Variants in KLHL29 observed in about 807,000 individuals in gnomAD.
KLHL29 encodes the protein kelch like family member 29, also known as kelch-like protein 29.
In KLHL29, 21 loss-of-function variants were observed where a neutral mutation model predicts 80.4. That is an observed-to-expected ratio of 0.26 (90% CI 0.19 to 0.38). KLHL29 has a LOEUF of 0.38. KLHL29 is among the 10% of genes least tolerant of loss of function. KLHL29 has a pLI of 1.00. For missense variants in KLHL29, 867 were observed against 1,223.9 expected (o/e 0.71, Z 4.35); for synonymous variants, 511 against 526.8 (o/e 0.97, Z 0.41).
At chr2:23,536,918 A>ACACACACACCCTCTCT (rs143009876) in intron 2 of KLHL29, among the ~76,000 whole-genome samples, 1 of 140,650 alleles carries the variant, frequency 7.1e-6, no homozygotes, top group East Asian at 2.2e-4. Context: ...ACACACACAC[A>ACACACACACCCTCTCT]CTCTCTCTCT....
At chr2:23,411,337 G>A (rs1389981195) in intron 1 of KLHL29, among the ~76,000 whole-genome samples, 1 of 150,632 alleles carries the variant, frequency 6.6e-6, no homozygotes, top group Non-Finnish European at 1.5e-5. Context: ...ATGTGAAGTA[G>A]TTCCCATGCC....
chr2:23,640,582 C>T (rs1669740381), intron 4 of KLHL29, among the ~76,000 whole-genome samples: 1 of 152,242 alleles, frequency 6.6e-6, no homozygotes. Context: ...GGCTTGGGGA[C>T]AGTTCCCATT....
intron 2 of KLHL29, among the ~76,000 whole-genome samples, chr2:23,552,799 C>T (rs1312857177): frequency 7.9e-5 from 9 of 114,340 alleles, no homozygotes; most frequent in South Asian, 2.9e-4. Context: ...CTCACTGTGT[C>T]GCCAGGCTGA....
intron 2 of KLHL29, among the ~76,000 whole-genome samples, chr2:23,561,810 G>T (rs1667454035): frequency 6.6e-6 from 1 of 152,136 alleles, no homozygotes; most frequent in Non-Finnish European, 1.5e-5. Flanking sequence ...TTTTTTCACG[G>T]TGGGGTGGGA....
At chr2:23,409,025 T>G (rs1039848948) in intron 1 of KLHL29, among the ~76,000 whole-genome samples, 17 of 152,084 alleles carry the variant, frequency 1.1e-4, no homozygotes, top group African/African-American at 3.6e-4. Flanking sequence ...AAGAATAATT[T>G]GGGAGCTAGT....
At chr2:23,462,572 G>A (rs908383676) in intron 1 of KLHL29, among the ~76,000 whole-genome samples, 1 of 152,164 alleles carries the variant, frequency 6.6e-6, no homozygotes, top group Non-Finnish European at 1.5e-5. Flanking sequence ...AAAATATAGG[G>A]GTTGTTGGAC....
At chr2:23,654,092 A>G (rs1229801755) in intron 5 of KLHL29, among the ~76,000 whole-genome samples, 1 of 152,050 alleles carries the variant, frequency 6.6e-6, no homozygotes, top group Non-Finnish European at 1.5e-5. Flanking sequence ...GCTTGAACCC[A>G]GGAGGTAGAG....
At chr2:23,396,544 C>T (rs1487212346) in intron 1 of KLHL29, among the ~76,000 whole-genome samples, 1 of 152,152 alleles carries the variant, frequency 6.6e-6, no homozygotes, top group Non-Finnish European at 1.5e-5. Flanking sequence ...AAGGTGCATA[C>T]CTCATTTGGA....
chr2:23,673,327 C>G (rs1670821890), intron 5 of KLHL29, among the ~76,000 whole-genome samples: 1 of 151,898 alleles, frequency 6.6e-6, no homozygotes, highest in South Asian at 2.1e-4. Context: ...GACACACATA[C>G]ACCCATCCTC....
At chr2:23,402,694 G>A (rs916249809) in intron 1 of KLHL29, among the ~76,000 whole-genome samples, 3 of 152,212 alleles carry the variant, frequency 2.0e-5, no homozygotes, top group Non-Finnish European at 4.4e-5. Context: ...TTGCCTTTCT[G>A]CTGATGAGAA....
intron 1 of KLHL29, among the ~76,000 whole-genome samples, chr2:23,439,642 G>C (rs886101449): frequency 3.3e-5 from 5 of 152,130 alleles, no homozygotes; most frequent in East Asian, 1.9e-4. Flanking sequence ...TCTTAATCCT[G>C]AGTTCTAGTT....
chr2:23,510,282 C>T (rs1376432971), intron 2 of KLHL29, among the ~76,000 whole-genome samples: 1 of 152,188 alleles, frequency 6.6e-6, no homozygotes, highest in Non-Finnish European at 1.5e-5. Flanking sequence ...AACCAAGAAG[C>T]ATGACTGGGG....
intron 1 of KLHL29, among the ~76,000 whole-genome samples, chr2:23,463,436 C>T (rs1664269653): frequency 6.6e-6 from 1 of 152,072 alleles, no homozygotes; most frequent in Non-Finnish European, 1.5e-5. Flanking sequence ...AAGGCAACAC[C>T]TTGTTGAGGG....
chr2:23,559,210 G>A (rs1397103641), intron 2 of KLHL29, among the ~76,000 whole-genome samples: 2 of 152,206 alleles, frequency 1.3e-5, no homozygotes, highest in Non-Finnish European at 2.9e-5. Flanking sequence ...TAAGGCATTT[G>A]GAATGATGGG....
chr2:23,615,615 A>G (rs1431696298), intron 3 of KLHL29, among the ~76,000 whole-genome samples: 1 of 152,094 alleles, frequency 6.6e-6, no homozygotes, highest in African/African-American at 2.4e-5. Flanking sequence ...GGCGGAGGGA[A>G]GTTGCTGAAG....
intron 6 of KLHL29, chr2:23,690,752 A>G (rs938867275): frequency 6.6e-6 from 1 of 152,376 alleles, no homozygotes; most frequent in Middle Eastern, 3.4e-3. Context: ...CTCTTGCTTC[A>G]TCTTATCTGT....
Position 23,428,077 on chromosome 2 carries a change from A to C in KLHL29, c.-154+42297A>C, listed in dbSNP as rs114019143. Among the ~76,000 whole-genome samples the C allele has an allele frequency of 7.3e-3, 1,113 of 152,368 alleles. 18 individuals are homozygous for C. Among genetic ancestry groups the C allele is most frequent in the African/African-American group, 0.026 (1,074 of 41,590 alleles). On this transcript the variant is annotated intron_variant, in intron 1 of 13. Coordinates refer to ENST00000486442, the MANE Select transcript of KLHL29 (RefSeq NM_052920.2). Reference sequence around the variant, plus strand: ...TGGTGTCGAAATATGTCACACCCTGATGGAGCATTGCAGGCTATCACTGCT... The same window carrying C: ...TGGTGTCGAAATATGTCACACCCTGCTGGAGCATTGCAGGCTATCACTGCT...
chr2:23,492,987 C>A (rs757485339), intron 2 of KLHL29, among the ~76,000 whole-genome samples: 24 of 152,346 alleles, frequency 1.6e-4, no homozygotes, highest in Middle Eastern at 3.4e-3. Flanking sequence ...AAATTACTTT[C>A]ATCTCTCCCT....
At chr2:23,643,290 C>G (rs1348276566) in intron 5 of KLHL29, 1 of 324,244 alleles carries the variant, frequency 3.1e-6, no homozygotes, top group Non-Finnish European at 6.1e-6. Context: ...GTACTGTGTC[C>G]TTCCCAGGGA....
Sources: gnomAD v4.1 joint callset for allele counts (sites outside exome capture counted in the v4.1 genomes callset) on GRCh38, gnomAD v4.1.1 for gene constraint, MANE v1.5 for transcripts, NCBI Gene and HGNC (gene_info 2026-07-23, HGNC 2026-07-21) for gene names.